The following BBS9 variants were observed in gnomAD, a reference collection of about 807,000 sequenced individuals.
The protein encoded by BBS9 is protein PTHB1.
BBS9 carries 89 observed loss-of-function variants against 117.7 expected under a neutral mutation model. The observed-to-expected ratio is 0.76, with a 90% CI of 0.64 to 0.90. BBS9 has a LOEUF of 0.90. BBS9 is among the 40% of genes least tolerant of loss of function. The probability of loss-of-function intolerance (pLI) is 0.00; values close to 1 mark genes in which losing one functional copy is unlikely to be tolerated. For missense variants in BBS9, 982 were observed against 1,042.2 expected, an observed-to-expected ratio of 0.94 and a Z score of 0.80; for synonymous variants, 379 against 370.9, an observed-to-expected ratio of 1.02 and a Z score of -0.25.
intron 5 of BBS9, among the ~76,000 whole-genome samples, chr7:33,229,708 C>T (rs745867318): frequency 1.8e-4 from 27 of 152,116 alleles, no homozygotes; most frequent in Non-Finnish European, 2.5e-4. Context: ...TGAATAATGC[C>T]GCAATAAACA....
At chr7:33,614,558 A>T (rs1865040040) in intron 21 of BBS9, among the ~76,000 whole-genome samples, 3 of 152,008 alleles carry the variant, frequency 2.0e-5, no homozygotes, top group Non-Finnish European at 4.4e-5. Flanking sequence ...TGGTTTGGAG[A>T]AAAATACAGG....
chr7:33,332,225 A>G (rs58435944), intron 9 of BBS9, among the ~76,000 whole-genome samples: 17,791 of 151,712 alleles, frequency 0.12, 1,251 homozygotes, highest in African/African-American at 0.19. Flanking sequence ...CAATAAATGG[A>G]GCTGGGAAAA....
intron 21 of BBS9, among the ~76,000 whole-genome samples, chr7:33,619,258 A>T (rs960815466): frequency 1.3e-5 from 2 of 152,150 alleles, no homozygotes; most frequent in African/African-American, 4.8e-5. Flanking sequence ...AGAAACAAAG[A>T]TATATATAAT....
chr7:33,338,479 A>G (rs946579279), intron 10 of BBS9, among the ~76,000 whole-genome samples: 3 of 152,290 alleles, frequency 2.0e-5, no homozygotes, highest in East Asian at 1.9e-4. Flanking sequence ...CTTACAAAAA[A>G]TGTTCATAGC....
intron 9 of BBS9, among the ~76,000 whole-genome samples, chr7:33,318,932 G>C (rs1454916101): frequency 6.6e-6 from 1 of 152,102 alleles, no homozygotes; most frequent in Non-Finnish European, 1.5e-5. Context: ...TGGGAGGCCA[G>C]TGTGGGCGGA....
intron 21 of BBS9, among the ~76,000 whole-genome samples, chr7:33,538,901 G>C (rs1336689500): frequency 6.6e-6 from 1 of 152,012 alleles, no homozygotes; most frequent in East Asian, 1.9e-4. Flanking sequence ...TACTTAGTCT[G>C]TCTACTTCTT....
intron 21 of BBS9, among the ~76,000 whole-genome samples, chr7:33,600,967 G>C (rs997051689): frequency 6.6e-6 from 1 of 152,166 alleles, no homozygotes; most frequent in Non-Finnish European, 1.5e-5. Flanking sequence ...TTATTCATGG[G>C]GGCCCCATTA....
chr7:33,247,865 T>C (rs1371457375), intron 5 of BBS9, among the ~76,000 whole-genome samples: 1 of 152,218 alleles, frequency 6.6e-6, no homozygotes, highest in Admixed American at 6.5e-5. Context: ...TAGGGCCTTC[T>C]TTTAAACTCT....
At position 33,324,130 on chromosome 7, in the gene BBS9, G is replaced by A. The variant is rs554815483; in HGVS notation, c.1017-12311G>A. 3.2e-4 allele frequency among the ~76,000 whole-genome samples: 49 copies of A among 152,018 alleles called. 1 individual carries two copies. The South Asian group carries it at 1.0e-2, about 31-fold the overall frequency. ...TGGGATTACAGGCATGAGCCACCAC[G>A]CTTGGACCCCTGTCTTCCTTTTAGT... is the stretch of plus-strand genomic sequence containing the variant. On this transcript the variant is annotated intron_variant, in intron 9 of 22. Transcript: ENST00000242067.
chr7:33,225,243 G>A (rs1214089083), intron 5 of BBS9, among the ~76,000 whole-genome samples: 1 of 152,090 alleles, frequency 6.6e-6, no homozygotes, highest in Non-Finnish European at 1.5e-5. Flanking sequence ...TTTTGCGCAG[G>A]CTTGAATACC....
chr7:33,604,478 G>T (rs1480660361), intron 21 of BBS9, among the ~76,000 whole-genome samples: 2 of 151,702 alleles, frequency 1.3e-5, no homozygotes, highest in Admixed American at 1.3e-4. Context: ...TTCCCTCATG[G>T]TTCATGTGCT....
intron 9 of BBS9, among the ~76,000 whole-genome samples, chr7:33,332,204 G>A (rs1433133102): frequency 6.6e-6 from 1 of 151,370 alleles, no homozygotes; most frequent in Admixed American, 6.6e-5. Flanking sequence ...TTCAGTAAAA[G>A]ACACCCTATT....
At chr7:33,433,801 TC>T (rs1414720430) in intron 19 of BBS9, among the ~76,000 whole-genome samples, 1 of 152,112 alleles carries the variant, frequency 6.6e-6, no homozygotes, top group Admixed American at 6.6e-5. Flanking sequence ...TTACAGATAA[TC>T]ATTATGTAAA....
At chr7:33,276,638 C>T (rs569263810) in intron 9 of BBS9, among the ~76,000 whole-genome samples, 18 of 151,836 alleles carry the variant, frequency 1.2e-4, no homozygotes, top group South Asian at 6.3e-4. Context: ...TCTAGTCATC[C>T]GGCAAAAAAA....
intron 20 of BBS9, among the ~76,000 whole-genome samples, chr7:33,524,435 T>C (rs1362712103): frequency 2.6e-5 from 4 of 152,240 alleles, no homozygotes; most frequent in Non-Finnish European, 5.9e-5. Context: ...GCTCCTGTTA[T>C]TGGTTTATTC....
chr7:33,469,948 G>A (rs895988989), intron 19 of BBS9, among the ~76,000 whole-genome samples: 7 of 152,066 alleles, frequency 4.6e-5, no homozygotes, highest in Admixed American at 1.3e-4. Flanking sequence ...ATACTTATGA[G>A]CACATTTAAG....
At chr7:33,430,267 T>C (rs1181066087) in intron 19 of BBS9, among the ~76,000 whole-genome samples, 1 of 152,238 alleles carries the variant, frequency 6.6e-6, no homozygotes, top group African/African-American at 2.4e-5. Flanking sequence ...CAAGTAGTAT[T>C]TAGGCACTTT....
chr7:33,231,054 T>A (rs771729409), intron 5 of BBS9, among the ~76,000 whole-genome samples: 1 of 152,178 alleles, frequency 6.6e-6, no homozygotes, highest in Admixed American at 6.5e-5. Context: ...GTACAAGTGT[T>A]CCCTTTTCAC....
At chr7:33,211,563 A>C (rs10951381) in intron 5 of BBS9, among the ~76,000 whole-genome samples, 22,816 of 151,956 alleles carry the variant, frequency 0.15, 2,000 homozygotes, top group South Asian at 0.23. Flanking sequence ...ATGTCTTGAA[A>C]ATTTTTTGTA....
Sources: allele counts gnomAD v4.1 joint callset (sites outside exome capture counted in the v4.1 genomes callset), GRCh38; gene constraint gnomAD v4.1.1; transcripts MANE v1.5; gene names NCBI Gene and HGNC (gene_info 2026-07-23, HGNC 2026-07-21).